Variants in DCUN1D4 observed in about 807,000 individuals in gnomAD.
DCUN1D4 encodes the protein DCN1-like protein 4.
A neutral mutation model predicts 47.9 loss-of-function variants in DCUN1D4; 22 were observed. That is an observed-to-expected ratio of 0.46 (90% CI 0.33 to 0.66). The LOEUF (loss-of-function observed/expected upper bound fraction) is 0.66, where lower values mean the gene tolerates loss of function less well. Among genes scored for constraint, DCUN1D4 ranks in the 30% least tolerant of loss-of-function variants. The pLI is 0.02. For synonymous variants in DCUN1D4, 121 were observed against 112.2 expected (o/e 1.08, Z -0.50); for missense variants, 301 against 340.8 (o/e 0.88, Z 0.92).
At chr4:51,879,565 C>G (rs1728207232) in intron 5 of DCUN1D4, among the ~76,000 whole-genome samples, 2 of 152,184 alleles carry the variant, frequency 1.3e-5, no homozygotes, top group Admixed American at 1.3e-4. Context: ...CGAGATTGTG[C>G]CACTGCACTC....
intron 8 of DCUN1D4, chr4:51,910,861 C>T (rs893039543): frequency 3.2e-5 from 18 of 556,972 alleles, no homozygotes; most frequent in Non-Finnish European, 9.4e-6. Flanking sequence ...ATCTTTCTCA[C>T]AGTAAATTTA....
At position 51,891,745 on chromosome 4, in the gene DCUN1D4, A is replaced by ATT. The variant is rs530164635; in HGVS notation, c.415-7_415-6dup. Reference sequence around the variant, plus strand: ...GTAATATATTTTTTTTTAATTGTGTATTTTTTTTTAACAGGTAGTTATGCT... The same window carrying ATT: ...GTAATATATTTTTTTTTAATTGTGTATTTTTTTTTTTAACAGGTAGTTATGCT... On this transcript the variant is annotated splice_polypyrimidine_tract_variant and intron_variant, in intron 6 of 10. Coordinates refer to ENST00000334635, the MANE Select transcript of DCUN1D4 (RefSeq NM_001040402.3). 1.3e-6 allele frequency: 2 copies of ATT among 1,543,560 alleles called. No individual in the cohort carries two copies. The highest frequency in any genetic ancestry group is 1.4e-5 in the African/African-American group (1 of 71,970).
At chr4:51,848,051 A>C (rs984106275) in intron 1 of DCUN1D4, among the ~76,000 whole-genome samples, 1 of 152,232 alleles carries the variant, frequency 6.6e-6, no homozygotes, top group Admixed American at 6.5e-5. Context: ...TAACTTGTGC[A>C]TTATCTAGAA....
chr4:51,908,805 A>T, intron 8 of DCUN1D4: 2 of 434,360 alleles, frequency 4.6e-6, no homozygotes, highest in Non-Finnish European at 9.4e-6. Flanking sequence ...TAGTGTTTCC[A>T]GTCATGGTCA....
At chr4:51,868,228 G>A (rs570768792) in intron 3 of DCUN1D4, among the ~76,000 whole-genome samples, 1 of 152,192 alleles carries the variant, frequency 6.6e-6, no homozygotes, top group African/African-American at 2.4e-5. Flanking sequence ...GCCATGGCTG[G>A]GCGGCTGCAG....
intron 6 of DCUN1D4, among the ~76,000 whole-genome samples, chr4:51,888,562 G>A (rs922656577): frequency 1.3e-5 from 2 of 151,734 alleles, no homozygotes; most frequent in Admixed American, 1.3e-4. Flanking sequence ...CCAATAAGGC[G>A]AAACCCCGTC....
intron 1 of DCUN1D4, chr4:51,844,301 G>A (rs1349852691): frequency 3.1e-6 from 3 of 982,612 alleles, no homozygotes; most frequent in Admixed American, 6.2e-5. Context: ...AAGCTTCGGG[G>A]TGCGGAGAGA....
At chr4:51,836,463 TTC>T in the DCUN1D4 span, among the ~76,000 whole-genome samples, 1 of 152,324 alleles carries the variant, frequency 6.6e-6, no homozygotes, top group Non-Finnish European at 1.5e-5. Flanking sequence ...CCAAATTTAT[TTC>T]TTTTTCAATT....
chr4:51,863,301 T>C (rs924548414), intron 1 of DCUN1D4, 136 bp from the exon 2 acceptor site: 1 of 713,364 alleles, frequency 1.4e-6, no homozygotes, highest in Non-Finnish European at 2.4e-6. Context: ...ACTAATTGCA[T>C]GTTTTTAAAA....
intron 5 of DCUN1D4, among the ~76,000 whole-genome samples, chr4:51,883,168 A>T (rs1478009272): frequency 6.6e-6 from 1 of 152,242 alleles, no homozygotes; most frequent in African/African-American, 2.4e-5. Flanking sequence ...TACCAGACAC[A>T]GTCAGTGAAA....
At chr4:51,868,657 G>C (rs1726356550) in intron 3 of DCUN1D4, among the ~76,000 whole-genome samples, 1 of 152,190 alleles carries the variant, frequency 6.6e-6, no homozygotes, top group Non-Finnish European at 1.5e-5. Flanking sequence ...CAATGCTACT[G>C]TGTGTGGAAG....
intron 7 of DCUN1D4, among the ~76,000 whole-genome samples, chr4:51,894,195 T>C (rs1730878980): frequency 1.3e-5 from 2 of 152,192 alleles, no homozygotes; most frequent in Admixed American, 1.3e-4. Context: ...TTGCTTTTTG[T>C]GGTATGAAAC....
At chr4:51,856,533 T>C (rs1724171259) in intron 1 of DCUN1D4, among the ~76,000 whole-genome samples, 1 of 152,206 alleles carries the variant, frequency 6.6e-6, no homozygotes, top group Non-Finnish European at 1.5e-5. Context: ...ACGTTGCTGC[T>C]TTTTTCCTAT....
At chr4:51,911,354 G>A (rs1380814997) in intron 9 of DCUN1D4, among the ~76,000 whole-genome samples, 180 bp downstream of exon 9, 1 of 152,156 alleles carries the variant, frequency 6.6e-6, no homozygotes, top group Non-Finnish European at 1.5e-5. Context: ...CTGTGTATGC[G>A]TTTAATGTTG....
upstream of DCUN1D4, among the ~76,000 whole-genome samples, chr4:51,839,152 A>T (rs1002272245): frequency 6.7e-6 from 1 of 149,752 alleles, no homozygotes; most frequent in Non-Finnish European, 1.5e-5. Context: ...GGAAGGAAGG[A>T]AGGAAGGAAG....
At chr4:51,863,404 A>G (rs755118731) in intron 1 of DCUN1D4, 33 bp from the exon 2 acceptor site, 7 of 1,511,378 alleles carry the variant, frequency 4.6e-6, no homozygotes, top group Non-Finnish European at 5.5e-6. Flanking sequence ...TTGGAAATAA[A>G]TGACGCTGAC....
intron 3 of DCUN1D4, among the ~76,000 whole-genome samples, chr4:51,870,918 C>A: frequency 6.6e-6 from 1 of 152,116 alleles, no homozygotes; most frequent in East Asian, 1.9e-4. Flanking sequence ...GTGGCTCTGC[C>A]TTGACCAGCT....
upstream of DCUN1D4, among the ~76,000 whole-genome samples, chr4:51,839,186 AGAAG>A (rs35432661): frequency 0.033 from 4,604 of 141,608 alleles, 108 homozygotes; most frequent in East Asian, 0.06. Context: ...GGAAGAAAGG[AGAAG>A]GAAGGAAGGA....
At chr4:51,845,221 A>G (rs1033887772) in intron 1 of DCUN1D4, 1 of 985,378 alleles carries the variant, frequency 1.0e-6, no homozygotes, top group Non-Finnish European at 1.2e-6. Flanking sequence ...ATTCCCTTGC[A>G]TAAATATGAG....
Sources: allele counts gnomAD v4.1 joint callset (sites outside exome capture counted in the v4.1 genomes callset), GRCh38; gene constraint gnomAD v4.1.1; transcripts MANE v1.5; gene names NCBI Gene and HGNC (gene_info 2026-07-23, HGNC 2026-07-21).